The following FER variants were observed in gnomAD, a reference collection of about 807,000 sequenced individuals.
FER encodes the protein FER tyrosine kinase, also known as tyrosine-protein kinase Fer.
FER carries 63 observed loss-of-function variants against 111.0 expected under a neutral mutation model. The ratio of observed to expected loss-of-function variants is 0.57; its 90% CI spans 0.46 to 0.70. The LOEUF is 0.70. Ranked by LOEUF, FER falls within the 30% of genes least tolerant of loss-of-function variation. The pLI, the probability that FER is intolerant of heterozygous loss-of-function variation, is 0.00. For missense variants in FER, 914 were observed against 954.0 expected (o/e 0.96, Z 0.55); for synonymous variants, 327 against 313.9 (o/e 1.04, Z -0.44).
rs1408838223 is a variant in FER at position 109,192,337 on chromosome 5, T to A, written c.*4762T>A. On this transcript the variant is annotated 3_prime_UTR_variant, in exon 20 of 20. Transcript: ENST00000281092. ...GTCATTAGGAAGCCTGAGGAGAACA[T>A]GCTACAAGGCCAGATCCTGTCCTAT... is the stretch of plus-strand genomic sequence containing the variant. 3 of 152,142 alleles carry A rather than the reference T, an allele frequency of 2.0e-5. No individual in the cohort carries two copies. The highest frequency in any genetic ancestry group is 4.4e-5 in the Non-Finnish European group (3 of 68,036). The allele number at this position is 152,142 out of a possible 1,614,324, so 9.4% of individuals were successfully genotyped here.
At chr5:108,845,001 T>TATAC (rs1761765044) in intron 5 of FER, among the ~76,000 whole-genome samples, 7 of 12,948 alleles carry the variant, frequency 5.4e-4, no homozygotes, top group Non-Finnish European at 1.0e-3. Flanking sequence ...TGTGTGTATA[T>TATAC]ATATATATAT....
chr5:108,793,657 C>T (rs1755661977), intron 2 of FER, among the ~76,000 whole-genome samples: 1 of 152,114 alleles, frequency 6.6e-6, no homozygotes, highest in Admixed American at 6.5e-5. Context: ...TCAGGATTCT[C>T]TCTTTTCTAC....
intron 10 of FER, among the ~76,000 whole-genome samples, chr5:108,934,984 T>A (rs1581271057): frequency 6.6e-6 from 1 of 152,276 alleles, no homozygotes. Context: ...ATAGAATCTA[T>A]GTGAATCATG....
At chr5:108,829,390 C>T (rs1350847854) in intron 3 of FER, among the ~76,000 whole-genome samples, 1 of 152,182 alleles carries the variant, frequency 6.6e-6, no homozygotes, top group Non-Finnish European at 1.5e-5. Flanking sequence ...GTAATCCCAG[C>T]ACTTTGGGAG....
intron 10 of FER, among the ~76,000 whole-genome samples, chr5:108,920,283 T>TGG (rs903845232): frequency 6.6e-5 from 10 of 152,102 alleles, no homozygotes; most frequent in South Asian, 2.1e-4. Flanking sequence ...CCCTGCAACT[T>TGG]GGTTTTTGAA....
At position 109,187,444 on chromosome 5, in the gene FER, T is replaced by A. The variant is rs1265134769; in HGVS notation, c.2338T>A (p.Ser780Thr). 6 of 1,613,288 alleles carry A rather than the reference T, an allele frequency of 3.7e-6. No homozygotes were observed. The South Asian group carries it at 4.4e-5, about 12-fold the overall frequency. Residue 780 changes from serine (S) to threonine (T), a missense_variant, in exon 20 of 20, where the codon TCA becomes ACA. By Grantham distance (58) the Ser-to-Thr change is moderately conservative. Coordinates refer to ENST00000281092, the MANE Select transcript of FER (RefSeq NM_005246.4). ...REQVERGYRMSAPQHCPEDIS... is the reference protein window; with the variant it reads ...REQVERGYRMTAPQHCPEDIS... ...TCTTGGGTCTTCAGGATACCGGATG[T>A]CAGCTCCCCAGCACTGTCCAGAGGA...
chr5:108,936,451 GT>G (rs1755482869), intron 10 of FER, among the ~76,000 whole-genome samples: 1 of 151,868 alleles, frequency 6.6e-6, no homozygotes, highest in Non-Finnish European at 1.5e-5. Context: ...TAGGCCAGTG[GT>G]TTATTATGTT....
intron 10 of FER, among the ~76,000 whole-genome samples, chr5:108,932,020 G>T (rs1754752416): frequency 6.8e-6 from 1 of 147,992 alleles, no homozygotes; most frequent in South Asian, 2.1e-4. Flanking sequence ...ATATCACTTG[G>T]TTACATTTTT....
intron 2 of FER, among the ~76,000 whole-genome samples, chr5:108,773,715 A>G (rs146444242): frequency 0.01 from 1,574 of 152,240 alleles, 29 homozygotes; most frequent in African/African-American, 0.036. Context: ...ATACCCAGTA[A>G]TGGGATTGCT....
At chr5:109,116,076 T>G (rs1750192273) in intron 17 of FER, among the ~76,000 whole-genome samples, 1 of 152,090 alleles carries the variant, frequency 6.6e-6, no homozygotes. Flanking sequence ...AATATTTCTT[T>G]CAACAGATTG....
intron 13 of FER, among the ~76,000 whole-genome samples, chr5:108,987,876 C>G (rs1008748829): frequency 1.3e-5 from 2 of 152,098 alleles, no homozygotes; most frequent in African/African-American, 4.8e-5. Flanking sequence ...CATTCCACTT[C>G]TCAGAGGGAA....
intron 18 of FER, among the ~76,000 whole-genome samples, chr5:109,183,587 T>G (rs1039648235): frequency 6.6e-6 from 1 of 152,164 alleles, no homozygotes; most frequent in African/African-American, 2.4e-5. Context: ...ATATACTCTT[T>G]CTTCACTCTT....
At chr5:108,877,104 A>C (rs978746626) in intron 8 of FER, among the ~76,000 whole-genome samples, 1 of 152,148 alleles carries the variant, frequency 6.6e-6, no homozygotes. Context: ...CCATCCAACT[A>C]TCTGAATCAA....
chr5:109,129,563 G>A (rs541868880), intron 17 of FER, among the ~76,000 whole-genome samples: 1 of 151,966 alleles, frequency 6.6e-6, no homozygotes, highest in Non-Finnish European at 1.5e-5. Context: ...CTGGATAAAA[G>A]GGTTTGAAAC....
Position 109,040,649 on chromosome 5 carries a change from G to T in FER, c.1713+3171G>T, listed in dbSNP as rs542304526. On this transcript the variant is annotated intron_variant, in intron 14 of 19. Coordinates refer to ENST00000281092, the MANE Select transcript of FER (RefSeq NM_005246.4). ...AGCGATAGCAAAGATGTAATTCTTTGAAGTTTTGCTGCAAAAGAAATCAGA... is the reference window on the plus strand; with the variant it reads ...AGCGATAGCAAAGATGTAATTCTTTTAAGTTTTGCTGCAAAAGAAATCAGA... Among the ~76,000 whole-genome samples the T allele has an allele frequency of 3.9e-5, 6 of 152,252 alleles. No individual in the cohort carries two copies. In the South Asian group the frequency reaches 1.2e-3, roughly 32 times the overall value.
intron 17 of FER, among the ~76,000 whole-genome samples, chr5:109,119,020 CT>C (rs1431192073): frequency 6.7e-6 from 1 of 149,558 alleles, no homozygotes; most frequent in Non-Finnish European, 1.5e-5. Flanking sequence ...CAGTTCTGCT[CT>C]GATCTTAGTT....
intron 18 of FER, among the ~76,000 whole-genome samples, chr5:109,183,449 A>G (rs1354674600): frequency 6.6e-6 from 1 of 152,072 alleles, no homozygotes; most frequent in African/African-American, 2.4e-5. Flanking sequence ...GGGTTTTACC[A>G]TATTGGTCAG....
intron 10 of FER, among the ~76,000 whole-genome samples, chr5:108,908,716 G>A (rs1239962952): frequency 2.1e-5 from 3 of 142,168 alleles, no homozygotes; most frequent in Non-Finnish European, 3.0e-5. Flanking sequence ...GCGAGACTCC[G>A]TCTCAAAAAA....
chr5:109,031,388 T>C (rs1306229666), intron 13 of FER, among the ~76,000 whole-genome samples: 5 of 152,200 alleles, frequency 3.3e-5, no homozygotes, highest in Admixed American at 2.0e-4. Context: ...GGGAGAATTA[T>C]GCTTCTAGAA....
Sources: allele counts gnomAD v4.1 joint callset (sites outside exome capture counted in the v4.1 genomes callset), GRCh38; gene constraint gnomAD v4.1.1; transcripts MANE v1.5; gene names NCBI Gene and HGNC (gene_info 2026-07-23, HGNC 2026-07-21).